CTNNA2: variants seen among roughly 807,000 people sequenced by gnomAD.
CTNNA2 encodes the protein catenin alpha 2.
Under a neutral mutation model 101.0 loss-of-function variants are expected in CTNNA2, and 42 were observed. That is an observed-to-expected ratio of 0.42 (90% CI 0.32 to 0.54). The LOEUF (loss-of-function observed/expected upper bound fraction) is 0.54, where lower values mean the gene tolerates loss of function less well. CTNNA2 is among the 20% of genes least tolerant of loss of function. The pLI is 0.14. For missense variants in CTNNA2, 871 were observed against 1,223.1 expected (o/e 0.71, Z 4.29); for synonymous variants, 450 against 456.4 (o/e 0.99, Z 0.18).
At chr2:80,062,702 CTTTTTTTT>C (rs70940073) in intron 7 of CTNNA2, among the ~76,000 whole-genome samples, 1 of 117,506 alleles carries the variant, frequency 8.5e-6, no homozygotes, top group Non-Finnish European at 1.7e-5. Context: ...GCACTGTGAT[CTTTTTTTT>C]TTTTTTTTTT....
At chr2:79,951,239 C>A (rs1340922438) in intron 7 of CTNNA2, among the ~76,000 whole-genome samples, 1 of 152,178 alleles carries the variant, frequency 6.6e-6, no homozygotes, top group Non-Finnish European at 1.5e-5. Flanking sequence ...ATCTGTGGGA[C>A]TTACTAAAAA....
intron 7 of CTNNA2, among the ~76,000 whole-genome samples, chr2:80,329,182 C>T (rs1390084211): frequency 6.6e-6 from 1 of 152,186 alleles, no homozygotes; most frequent in Non-Finnish European, 1.5e-5. Context: ...CAGCTGACTT[C>T]CTTTCAACCT....
chr2:79,654,906 A>G (rs1476741391), intron 2 of CTNNA2, among the ~76,000 whole-genome samples: 1 of 152,216 alleles, frequency 6.6e-6, no homozygotes, highest in African/African-American at 2.4e-5. Context: ...TATGGTCTGC[A>G]GTAAGAACAA....
At chr2:80,501,556 A>G (rs1436441040) in intron 9 of CTNNA2, among the ~76,000 whole-genome samples, 1 of 152,164 alleles carries the variant, frequency 6.6e-6, no homozygotes, top group Non-Finnish European at 1.5e-5. Flanking sequence ...AGGTAAAATA[A>G]CAAGGAAGCT....
intron 2 of CTNNA2, among the ~76,000 whole-genome samples, chr2:79,287,327 C>T (rs1290657686): frequency 6.6e-6 from 1 of 152,172 alleles, no homozygotes; most frequent in Non-Finnish European, 1.5e-5. Context: ...GGAGGAGAGT[C>T]GCTCTGCTTT....
At chr2:79,825,483 T>C (rs1200141541) in intron 3 of CTNNA2, among the ~76,000 whole-genome samples, 1 of 151,952 alleles carries the variant, frequency 6.6e-6, no homozygotes, top group Non-Finnish European at 1.5e-5. Flanking sequence ...AAATGAAAGA[T>C]GAATTCGAAT....
chr2:79,822,718 T>G (rs1274185998), intron 3 of CTNNA2, among the ~76,000 whole-genome samples: 3 of 152,176 alleles, frequency 2.0e-5, no homozygotes, highest in Admixed American at 6.5e-5. Flanking sequence ...TGGCCGCTAG[T>G]GGCCTTTTCT....
At chr2:80,321,246 A>G (rs1055526606) in intron 7 of CTNNA2, among the ~76,000 whole-genome samples, 29 of 144,994 alleles carry the variant, frequency 2.0e-4, no homozygotes, top group African/African-American at 5.8e-4. Flanking sequence ...GGCCTCCTGG[A>G]AAAAAAAAGG....
At chr2:80,126,013 A>G (rs556813875) in intron 7 of CTNNA2, among the ~76,000 whole-genome samples, 5 of 152,174 alleles carry the variant, frequency 3.3e-5, no homozygotes, top group African/African-American at 9.6e-5. Flanking sequence ...TCAGCCATCT[A>G]TCTCTATAAA....
chr2:79,200,393 A>G (rs561047560), intron 2 of CTNNA2, among the ~76,000 whole-genome samples: 56 of 152,254 alleles, frequency 3.7e-4, no homozygotes, highest in Admixed American at 3.1e-3. Context: ...CAAAAAAAAA[A>G]AAAAAATTAG....
chr2:79,185,497 T>G (rs989071802), intron 1 of CTNNA2: 6 of 152,228 alleles, frequency 3.9e-5, no homozygotes, highest in Admixed American at 3.3e-4. Context: ...TTCATGTATC[T>G]TGGGACATTA....
chr2:80,172,162 T>C (rs776827005), intron 7 of CTNNA2, among the ~76,000 whole-genome samples: 8 of 152,168 alleles, frequency 5.3e-5, no homozygotes, highest in Non-Finnish European at 1.0e-4. Flanking sequence ...TGCCACCTCC[T>C]GCACTAAAAT....
At chr2:80,610,806 CTCTTG>C (rs1414820893) in intron 17 of CTNNA2, among the ~76,000 whole-genome samples, 2 of 151,574 alleles carry the variant, frequency 1.3e-5, no homozygotes, top group Non-Finnish European at 3.0e-5. Context: ...TGAGAAAGGC[CTCTTG>C]TCTTGTGTCT....
intron 6 of CTNNA2, among the ~76,000 whole-genome samples, chr2:79,906,524 G>C (rs973119012): frequency 6.6e-6 from 1 of 152,144 alleles, no homozygotes; most frequent in East Asian, 1.9e-4. Flanking sequence ...CTTTTCCAGG[G>C]AGATTTTTTA....
intron 4 of CTNNA2, among the ~76,000 whole-genome samples, chr2:79,485,972 G>A (rs1483613391): frequency 6.6e-6 from 1 of 152,070 alleles, no homozygotes; most frequent in Non-Finnish European, 1.5e-5. Flanking sequence ...TCGTGTAAGT[G>A]GAGAGTAGAA....
At chr2:79,842,717 T>A (rs531664001) in intron 3 of CTNNA2, among the ~76,000 whole-genome samples, 265 of 151,994 alleles carry the variant, frequency 1.7e-3, no homozygotes, top group African/African-American at 4.7e-3. Context: ...TTTTTTTTTT[T>A]AAATCTTTGA....
At chr2:79,780,296 G>A (rs1040833891) in intron 3 of CTNNA2, among the ~76,000 whole-genome samples, 1 of 152,160 alleles carries the variant, frequency 6.6e-6, no homozygotes, top group Non-Finnish European at 1.5e-5. Context: ...CCTGAGGGCT[G>A]TGTCATGAAC....
chr2:80,327,567 G>A (rs1475026217), intron 7 of CTNNA2, among the ~76,000 whole-genome samples: 1 of 152,130 alleles, frequency 6.6e-6, no homozygotes, highest in Non-Finnish European at 1.5e-5. Flanking sequence ...GTGAGTATGA[G>A]TTTCTTGATT....
chr2:79,900,477 G>A (rs1012666798), intron 6 of CTNNA2, among the ~76,000 whole-genome samples: 1 of 152,094 alleles, frequency 6.6e-6, no homozygotes, highest in African/African-American at 2.4e-5. Flanking sequence ...ACTTGGTAAT[G>A]GGTCAACACA....
Sources: allele counts gnomAD v4.1 joint callset (sites outside exome capture counted in the v4.1 genomes callset), GRCh38; gene constraint gnomAD v4.1.1; transcripts MANE v1.5; gene names NCBI Gene and HGNC (gene_info 2026-07-23, HGNC 2026-07-21).